The following SMG1 variants were observed in gnomAD, a reference collection of about 807,000 sequenced individuals.
The protein encoded by SMG1 is SMG1 nonsense mediated mRNA decay associated PI3K related kinase.
In SMG1, 22 loss-of-function variants were observed where a neutral mutation model predicts 419.9. The observed-to-expected ratio is 0.05, with a 90% CI of 0.04 to 0.07. SMG1 has a LOEUF of 0.07. Ranked by LOEUF, SMG1 falls within the 10% of genes least tolerant of loss-of-function variation. The pLI is 1.00. For missense variants in SMG1, 3,185 were observed against 4,342.0 expected (o/e 0.73, Z 7.49); for synonymous variants, 1,538 against 1,553.5 (o/e 0.99, Z 0.23).
At chr16:18,883,178 G>T (rs569631761) in intron 9 of SMG1, among the ~76,000 whole-genome samples, 7 of 152,182 alleles carry the variant, frequency 4.6e-5, no homozygotes, top group Non-Finnish European at 1.0e-4. Context: ...AGCCTTGATT[G>T]GTTGATCTGA....
At chr16:18,851,358 T>C (rs1419213593) in intron 33 of SMG1, among the ~76,000 whole-genome samples, 1 of 152,182 alleles carries the variant, frequency 6.6e-6, no homozygotes, top group Non-Finnish European at 1.5e-5. Context: ...TTTTCAACAC[T>C]GGCTGCACAT....
chr16:18,861,093 T>C, intron 25 of SMG1: 1 of 227,992 alleles, frequency 4.4e-6, no homozygotes, highest in Non-Finnish European at 8.6e-6. Flanking sequence ...ACACTGACAG[T>C]AGACCTCTGC....
rs889636297 is a variant in SMG1, at chr16:18,847,752, T to C, written c.5841+64A>G. The C allele has an allele frequency of 3.5e-5, 55 of 1,583,424 alleles. No individual in the cohort carries two copies. The African/African-American group carries it at 4.1e-4, about 12-fold the overall frequency. On this transcript the variant is annotated intron_variant, in intron 37 of 62. Transcript: ENST00000446231. Reference sequence around the variant, plus strand: ...CCTGACCAGTGATTGTCAATACAGATTGGCAAAAGCAATTTTTATTATTCT... The same window carrying C: ...CCTGACCAGTGATTGTCAATACAGACTGGCAAAAGCAATTTTTATTATTCT...
chr16:18,910,022 C>G (rs1317748246), intron 1 of SMG1, among the ~76,000 whole-genome samples: 1 of 151,640 alleles, frequency 6.6e-6, no homozygotes, highest in Non-Finnish European at 1.5e-5. Context: ...AACAATGTTT[C>G]TAGATATTAA....
chr16:18,838,838 T>C (rs1209555387), intron 42 of SMG1, 149 bp from the exon 43 acceptor site: 8 of 635,724 alleles, frequency 1.3e-5, no homozygotes, highest in Non-Finnish European at 1.9e-5. Flanking sequence ...TCCTCAAGGT[T>C]GCTGCATGTG....
At chr16:18,850,519 A>G (rs2034531110) in intron 33 of SMG1, 52 bp from the exon 34 acceptor site, 4 of 1,267,076 alleles carry the variant, frequency 3.2e-6, no homozygotes, top group African/African-American at 1.5e-5. Context: ...CTGAAAAGGG[A>G]AAAAGGTATG....
chr16:18,833,459 A>G (rs1045766699), intron 50 of SMG1, among the ~76,000 whole-genome samples: 1 of 152,138 alleles, frequency 6.6e-6, no homozygotes, highest in Admixed American at 6.5e-5. Flanking sequence ...GAACTGCCCT[A>G]AAGTATGTTA....
chr16:18,859,572 A>C lies in SMG1; in HGVS notation c.3937T>G (p.Trp1313Gly). ...ALNPIEQDQK[W>G]QSITENVVKY... ...TAAACTTACTCAGTTATAGACTGCC[A>C]CTTCTGATCTTGTTCTATCGGGTTT... The change falls in exon 27 of 63, where the codon TGG becomes GGG. Residue 1313 changes from tryptophan (W) to glycine (G), a missense_variant. Around this residue, in one of 27 missense-constraint regions of SMG1, gnomAD observed 120 missense variants for 193.3 expected, o/e 0.62. Coordinates refer to ENST00000446231, the MANE Select transcript of SMG1 (RefSeq NM_015092.5). 4.5e-6 allele frequency: 7 copies of C among 1,572,184 alleles called. No individual in the cohort carries two copies. The Middle Eastern group carries it at 8.4e-4, about 189-fold the overall frequency.
At chr16:18,918,764 C>G (rs1348866108) in intron 1 of SMG1, among the ~76,000 whole-genome samples, 1 of 152,082 alleles carries the variant, frequency 6.6e-6, no homozygotes, top group African/African-American at 2.4e-5. Flanking sequence ...GGCCTGTAAC[C>G]CCAGCACTTT....
At chr16:18,812,627 T>TAC (rs1596453772) in intron 60 of SMG1, among the ~76,000 whole-genome samples, 6 of 143,440 alleles carry the variant, frequency 4.2e-5, no homozygotes, top group South Asian at 2.2e-4. Context: ...CACATATATA[T>TAC]ACACATATAT....
intron 10 of SMG1, among the ~76,000 whole-genome samples, chr16:18,880,730 G>GT (rs1312659936): frequency 6.3e-5 from 8 of 127,652 alleles, no homozygotes; most frequent in African/African-American, 2.4e-4. Flanking sequence ...AAGGGGGGGG[G>GT]CGCGGAGGGG....
intron 48 of SMG1, 97 bp from the exon 49 acceptor site, chr16:18,835,261 G>A (rs1437699363): frequency 8.0e-7 from 1 of 1,249,290 alleles, no homozygotes; most frequent in African/African-American, 1.5e-5. Flanking sequence ...TTGAAGAGTA[G>A]AAATCATTAT....
chr16:18,911,763 T>C (rs961664414), intron 1 of SMG1: 1 of 151,900 alleles, frequency 6.6e-6, no homozygotes, highest in African/African-American at 2.4e-5. Context: ...AAGATAAATA[T>C]CTGTGAAGGA....
chr16:18,922,827 C>G (rs1336151313), intron 1 of SMG1, among the ~76,000 whole-genome samples: 1 of 151,952 alleles, frequency 6.6e-6, no homozygotes, highest in African/African-American at 2.4e-5. Context: ...CACCTGTAAT[C>G]TCAACACTTT....
intron 3 of SMG1, 48 bp downstream of exon 3, chr16:18,896,004 A>C (rs1318956598): frequency 1.3e-6 from 2 of 1,539,988 alleles, no homozygotes; most frequent in African/African-American, 2.7e-5. Context: ...GAGGAGATAC[A>C]AGTCTTTGGA....
chr16:18,815,100 G>T, intron 60 of SMG1, 75 bp downstream of exon 60: 1 of 918,192 alleles, frequency 1.1e-6, no homozygotes, highest in Non-Finnish European at 1.7e-6. Context: ...ATATTAGACA[G>T]TTATGTATAA....
intron 60 of SMG1, among the ~76,000 whole-genome samples, chr16:18,813,860 T>C (rs796896413): frequency 7.2e-5 from 11 of 151,826 alleles, no homozygotes; most frequent in Admixed American, 3.3e-4. Context: ...GGCAAAATCC[T>C]GTCTCTATAA....
At chr16:18,885,481 C>T in intron 7 of SMG1, 60 bp downstream of exon 7, 1 of 1,585,086 alleles carries the variant, frequency 6.3e-7, no homozygotes, top group Non-Finnish European at 8.5e-7. Flanking sequence ...TTCCTCAGAT[C>T]CTCACACACA....
In SMG1 at chr16:18,872,497, G is replaced by C. The variant is rs1352823203; in HGVS notation, c.2018C>G (p.Thr673Ser). The C allele has an allele frequency of 1.3e-6, 2 of 1,541,106 alleles. No individual in the cohort carries two copies. Among genetic ancestry groups the C allele is most frequent in the Non-Finnish European group, 1.7e-6 (2 of 1,156,920 alleles). The change falls in exon 14 of 63, where the codon ACC becomes AGC. Residue 673 changes from threonine to serine, a missense_variant. Physicochemically the swap from Thr to Ser is moderately conservative, Grantham distance 58. Coordinates refer to ENST00000446231, the MANE Select transcript of SMG1 (RefSeq NM_015092.5). ...GAAAAATTTGTAAATACAGTACCTG[G>C]TACAATGAGAATACAATGTGTAGAG... ...AVLYTLYSHCTRHDHFISSSL... is the reference protein window; with the variant it reads ...AVLYTLYSHCSRHDHFISSSL...
Sources: gnomAD v4.1 joint callset for allele counts (sites outside exome capture counted in the v4.1 genomes callset) on GRCh38, gnomAD v4.1.1 for gene constraint, gnomAD v4.1.1 regional missense constraint, MANE v1.5 for transcripts, NCBI Gene and HGNC (gene_info 2026-07-23, HGNC 2026-07-21) for gene names.